CASP4: variants seen among roughly 807,000 people sequenced by gnomAD.
CASP4 encodes caspase-4.
Under a neutral mutation model 41.3 loss-of-function variants are expected in CASP4, and 29 were observed. The observed-to-expected ratio is 0.70, with a 90% CI of 0.52 to 0.96. The LOEUF (loss-of-function observed/expected upper bound fraction) is 0.96. Among genes scored for constraint, CASP4 ranks in the 40% least tolerant of loss-of-function variants. The pLI is 0.00. For synonymous variants in CASP4, 185 were observed against 158.4 expected, an observed-to-expected ratio of 1.17 and a Z score of -1.26; for missense variants, 447 against 460.6, an observed-to-expected ratio of 0.97 and a Z score of 0.27.
chr11:104,961,611 C>G (rs1860861781), intron 1 of CASP4, among the ~76,000 whole-genome samples: 1 of 152,126 alleles, frequency 6.6e-6, no homozygotes, highest in South Asian at 2.1e-4. Context: ...TAGGAAGAGT[C>G]TTGGTTCACG....
chr11:104,964,446 C>G (rs185223931), intron 1 of CASP4, among the ~76,000 whole-genome samples: 2 of 152,326 alleles, frequency 1.3e-5, no homozygotes, highest in African/African-American at 4.8e-5. Context: ...TTTCTCTCTA[C>G]CTGATTTCTC....
intron 6 of CASP4, 198 bp downstream of exon 6, chr11:104,948,335 G>T: frequency 2.5e-6 from 1 of 406,004 alleles, no homozygotes; most frequent in Non-Finnish European, 4.3e-6. Context: ...TGTTTAAATG[G>T]TGAGTGGTGA....
Position 104,958,892 on chromosome 11 carries a change from C to T in CASP4, c.8-3891G>A, listed in dbSNP as rs1481574688. ...AGTAGAATTGCTGGAACCCTAGAGG[C>T]GGAGGTTGCAGTGAGCCTAGATTCC... On this transcript the variant is annotated intron_variant, in intron 1 of 8. Transcript: ENST00000444739. 1.5e-4 allele frequency among the ~76,000 whole-genome samples: 19 copies of T among 130,770 alleles called. No homozygotes were observed. The Admixed American group carries it at 1.8e-3, about 12-fold the overall frequency. The allele number at this position is 130,770 out of a possible 152,430, so 85.8% of individuals were successfully genotyped here. A position where few individuals can be genotyped will look rare whatever the true frequency, so the allele number is the denominator to read the frequency against.
chr11:104,943,243 C>A (rs1860368107), intron 8 of CASP4: 1 of 274,386 alleles, frequency 3.6e-6, no homozygotes, highest in Admixed American at 4.9e-5. Context: ...TAACATAGAA[C>A]CACGCGATCT....
At chr11:104,951,216 T>C (rs974646741) in intron 3 of CASP4, 118 bp from the exon 4 acceptor site, 1 of 781,122 alleles carries the variant, frequency 1.3e-6, no homozygotes, top group African/African-American at 1.8e-5. Flanking sequence ...CTAACTTGTA[T>C]CAAAAGACAC....
intron 1 of CASP4, among the ~76,000 whole-genome samples, chr11:104,962,064 A>G (rs1383695984): frequency 6.6e-6 from 1 of 152,144 alleles, no homozygotes; most frequent in Non-Finnish European, 1.5e-5. Flanking sequence ...TGTTATGTGA[A>G]TTCTGCTGGG....
rs369647070 is a variant in CASP4, at chr11:104,947,187, C to T, written c.931G>A (p.Val311Met). 3.8e-6 allele frequency: 6 copies of T among 1,590,396 alleles called. No homozygotes were observed. Among genetic ancestry groups the T allele is most frequent in the Non-Finnish European group, 4.3e-6 (5 of 1,160,610 alleles). ...IAFCSSTPHN[V>M]SWRDSTMGSI... ...CCCATTGTGCTGTCTCTCCAGGACA[C>T]GTTGTCTATAATGATACAGATGGGT... is the stretch of plus-strand genomic sequence containing the variant. The change falls in exon 7 of 9, where the codon GTG becomes ATG. Residue 311 changes from valine to methionine, a missense_variant. Coordinates refer to ENST00000444739, the MANE Select transcript of CASP4 (RefSeq NM_001225.4).
chr11:104,952,039 C>A, intron 2 of CASP4, 34 bp from the exon 3 acceptor site: 2 of 1,387,648 alleles, frequency 1.4e-6, no homozygotes, highest in Non-Finnish European at 2.0e-6. Flanking sequence ...ATTGTGATTT[C>A]TGCCTCTGTG....
intron 1 of CASP4, among the ~76,000 whole-genome samples, chr11:104,959,853 T>A (rs1186442880): frequency 6.6e-6 from 1 of 152,228 alleles, no homozygotes; most frequent in Non-Finnish European, 1.5e-5. Context: ...ATCTGACCAC[T>A]TCTCTCAATT....
At chr11:104,953,808 T>C (rs1162421310) in intron 2 of CASP4, among the ~76,000 whole-genome samples, 1 of 152,178 alleles carries the variant, frequency 6.6e-6, no homozygotes, top group African/African-American at 2.4e-5. Flanking sequence ...ATATTTAACC[T>C]TTAATAATAC....
intron 4 of CASP4, 102 bp downstream of exon 4, chr11:104,950,823 C>CACACACACACAT: frequency 1.9e-6 from 2 of 1,056,818 alleles, no homozygotes; most frequent in Non-Finnish European, 1.4e-6. Flanking sequence ...CACACACACA[C>CACACACACACAT]CCAAAGGTTG....
chr11:104,953,330 A>G (rs1367154490), intron 2 of CASP4, among the ~76,000 whole-genome samples: 1 of 152,100 alleles, frequency 6.6e-6, no homozygotes, highest in Non-Finnish European at 1.5e-5. Context: ...TTCCTGCCAC[A>G]GCCTCTGCTA....
chr11:104,959,973 G>C (rs371924397), intron 1 of CASP4, among the ~76,000 whole-genome samples: 1 of 152,028 alleles, frequency 6.6e-6, no homozygotes, highest in Non-Finnish European at 1.5e-5. Flanking sequence ...TCTTTGCAAC[G>C]AAGAGTGTTC....
chr11:104,951,804 C>T (rs113297864), intron 3 of CASP4, 92 bp downstream of exon 3: 28 of 830,904 alleles, frequency 3.4e-5, no homozygotes, highest in African/African-American at 2.7e-4. Context: ...TCATCCCCAC[C>T]CCCAATCATT....
At position 104,948,815 on chromosome 11, in the gene CASP4, G is replaced by GACACAC. The variant is rs5794358; in HGVS notation, c.782-140_782-139insGTGTGT. On this transcript the variant is annotated intron_variant, in intron 5 of 8. Coordinates refer to ENST00000444739, the MANE Select transcript of CASP4 (RefSeq NM_001225.4). ...CCACACACATACAAACACACACAGA[G>GACACAC]AGAGACACACACACACACACACCAC... The GACACAC allele has an allele frequency of 5.8e-5, 30 of 514,452 alleles. No homozygotes were observed. The Admixed American group carries it at 6.0e-4, about 10-fold the overall frequency. 31.9% of individuals were successfully genotyped at this position (514,452 alleles called of 1,614,324 possible).
intron 1 of CASP4, among the ~76,000 whole-genome samples, chr11:104,956,041 A>G (rs553675077): frequency 3.8e-4 from 58 of 152,114 alleles, no homozygotes; most frequent in Non-Finnish European, 7.8e-4. Flanking sequence ...ATTAGACATT[A>G]CAAACCAGGA....
chr11:104,959,040 T>C (rs988731563), intron 1 of CASP4, among the ~76,000 whole-genome samples: 9 of 148,358 alleles, frequency 6.1e-5, no homozygotes, highest in African/African-American at 2.0e-4. Flanking sequence ...CCTCTGAAAG[T>C]TAAAAATAGA....
chr11:104,946,847 C>T lies in CASP4; in HGVS notation c.1035+236G>A, dbSNP rs973285020. ...TTTTTCCTTCTCTAAAACTTAAGAA[C>T]TTACGCTCCATAACATAAAGCTTAT... On this transcript the variant is annotated intron_variant, in intron 7 of 8. Transcript: ENST00000444739. 31 of 292,044 alleles carry T rather than the reference C, an allele frequency of 1.1e-4. 1 individual carries two copies. The highest frequency in any genetic ancestry group is 6.3e-4 in the African/African-American group (29 of 45,794). 18.1% of individuals were successfully genotyped at this position (292,044 alleles called of 1,614,324 possible). A position where few individuals can be genotyped will look rare whatever the true frequency, so the allele number is the denominator to read the frequency against.
At chr11:104,957,806 C>A (rs577625) in intron 1 of CASP4, among the ~76,000 whole-genome samples, 96,425 of 151,718 alleles carry the variant, frequency 0.64, 31,134 homozygotes, top group Middle Eastern at 0.82. Flanking sequence ...GAATCACACA[C>A]AAAAAAACAA....
Sources: allele counts gnomAD v4.1 joint callset (sites outside exome capture counted in the v4.1 genomes callset), GRCh38; gene constraint gnomAD v4.1.1; transcripts MANE v1.5; gene names NCBI Gene and HGNC (gene_info 2026-07-23, HGNC 2026-07-21).